The following ERC2 variants were observed in gnomAD, a reference collection of about 807,000 sequenced individuals.
The protein encoded by ERC2 is ERC protein 2.
ERC2 carries 42 observed loss-of-function variants against 114.8 expected under a neutral mutation model. That is an observed-to-expected ratio of 0.37 (90% CI 0.29 to 0.47). The LOEUF is 0.47. Ranked by LOEUF, ERC2 falls within the 20% of genes least tolerant of loss-of-function variation. ERC2 has a pLI of 0.99. For missense variants in ERC2, 939 were observed against 1,150.7 expected (o/e 0.82, Z 2.66); for synonymous variants, 454 against 425.5 (o/e 1.07, Z -0.82).
chr3:56,050,120 T>C (rs898232056), intron 7 of ERC2, among the ~76,000 whole-genome samples: 2 of 152,300 alleles, frequency 1.3e-5, no homozygotes, highest in Admixed American at 1.3e-4. Context: ...ATATGTTGAT[T>C]GCAGTGATGG....
At chr3:55,891,587 T>C (rs563237408) in intron 13 of ERC2, among the ~76,000 whole-genome samples, 2 of 151,798 alleles carry the variant, frequency 1.3e-5, no homozygotes, top group South Asian at 4.2e-4. Flanking sequence ...GCTGGGATTA[T>C]AGATGCATGC....
Position 55,660,325 on chromosome 3 carries a change from T to A in ERC2, c.*39+23469A>T, listed in dbSNP as rs933549310. 5.9e-5 allele frequency among the ~76,000 whole-genome samples: 9 copies of A among 152,268 alleles called. 1 individual carries two copies. The South Asian group carries it at 1.9e-3, about 32-fold the overall frequency. The stretch of plus-strand genomic sequence containing the variant: ...TGTCCAAGTTATAAAAATGTCTCCA[T>A]CACAACTTCCACCCCTGGAATTGAG... On this transcript the variant is annotated intron_variant, in intron 17 of 17. Coordinates refer to ENST00000288221, the MANE Select transcript of ERC2 (RefSeq NM_015576.3).
chr3:56,421,626 G>A (rs929926090), intron 2 of ERC2, among the ~76,000 whole-genome samples: 15 of 152,200 alleles, frequency 9.9e-5, no homozygotes. Flanking sequence ...TATAAAAATA[G>A]ATATTAAGAG....
intron 7 of ERC2, among the ~76,000 whole-genome samples, chr3:56,073,689 T>C (rs987034964): frequency 2.6e-5 from 4 of 152,196 alleles, no homozygotes; most frequent in Admixed American, 2.6e-4. Context: ...TGGCAAGGAA[T>C]GAGGGATCTC....
At chr3:55,724,074 GA>G (rs1394201663) in intron 15 of ERC2, among the ~76,000 whole-genome samples, 1 of 152,162 alleles carries the variant, frequency 6.6e-6, no homozygotes, top group African/African-American at 2.4e-5. Context: ...AAACTAAAGA[GA>G]AAAAGGCTTT....
chr3:56,271,789 T>G (rs975581477), intron 3 of ERC2, among the ~76,000 whole-genome samples: 9 of 152,290 alleles, frequency 5.9e-5, no homozygotes, highest in African/African-American at 2.2e-4. Flanking sequence ...GGTCCCAGTG[T>G]CTATTGTTCC....
intron 14 of ERC2, among the ~76,000 whole-genome samples, chr3:55,827,408 GAGAA>G (rs2060374043): frequency 6.6e-6 from 1 of 151,704 alleles, no homozygotes; most frequent in Non-Finnish European, 1.5e-5. Flanking sequence ...GAGAAAAAGA[GAGAA>G]AGAGGGAAGA....
intron 13 of ERC2, among the ~76,000 whole-genome samples, chr3:55,931,979 A>G (rs959347851): frequency 6.6e-6 from 1 of 152,236 alleles, no homozygotes; most frequent in East Asian, 1.9e-4. Flanking sequence ...CTATAACTTA[A>G]CTATGGAATA....
intron 16 of ERC2, among the ~76,000 whole-genome samples, chr3:55,689,275 G>A (rs989402185): frequency 6.0e-5 from 9 of 150,538 alleles, no homozygotes; most frequent in Non-Finnish European, 1.0e-4. Flanking sequence ...TTTTTGCATC[G>A]TCATTATAGG....
chr3:56,181,758 C>G (rs1383426492), intron 3 of ERC2, among the ~76,000 whole-genome samples: 1 of 152,162 alleles, frequency 6.6e-6, no homozygotes, highest in Non-Finnish European at 1.5e-5. Flanking sequence ...ATTATGGCTT[C>G]TTTCTTGCTC....
At position 56,005,315 on chromosome 3, in the gene ERC2, C is replaced by T. The variant is rs146526823; in HGVS notation, c.2061+1866G>A. 2.1e-3 allele frequency among the ~76,000 whole-genome samples: 313 copies of T among 152,094 alleles called. 3 individuals carry two copies. Among genetic ancestry groups the T allele is most frequent in the African/African-American group, 6.7e-3 (280 of 41,526 alleles). ...TGTTAAAATGCTGTCAGGAATAATG[C>T]TACAATGTTTACAGGATTTGGTCTG... On this transcript the variant is annotated intron_variant, in intron 10 of 17. Coordinates refer to ENST00000288221, the MANE Select transcript of ERC2 (RefSeq NM_015576.3).
chr3:56,315,820 G>A (rs2056836914), intron 2 of ERC2, among the ~76,000 whole-genome samples: 1 of 151,690 alleles, frequency 6.6e-6, no homozygotes, highest in Non-Finnish European at 1.5e-5. Context: ...GTCCAACAGG[G>A]ATATAAAGAA....
chr3:55,710,808 A>T (rs2063739727), intron 15 of ERC2, among the ~76,000 whole-genome samples: 1 of 152,214 alleles, frequency 6.6e-6, no homozygotes. Flanking sequence ...ACTTGCCAGA[A>T]CAACCCAAAT....
intron 17 of ERC2, among the ~76,000 whole-genome samples, chr3:55,672,809 G>A (rs2061618226): frequency 6.6e-6 from 1 of 152,148 alleles, no homozygotes. Flanking sequence ...CCCAGTCCCT[G>A]CCATGGAAAT....
chr3:55,873,785 A>C, intron 14 of ERC2, among the ~76,000 whole-genome samples: 1 of 150,018 alleles, frequency 6.7e-6, no homozygotes, highest in East Asian at 2.0e-4. Flanking sequence ...CACCATCCCC[A>C]CCCCTTCACC....
At chr3:55,541,835 G>A (rs1457833265) in intron 17 of ERC2, among the ~76,000 whole-genome samples, 2 of 152,190 alleles carry the variant, frequency 1.3e-5, no homozygotes, top group Non-Finnish European at 2.9e-5. Flanking sequence ...GTTGAATATA[G>A]ACAGGTCAAT....
chr3:55,986,184 G>A (rs2149514461), intron 11 of ERC2, among the ~76,000 whole-genome samples, 196 bp from the exon 12 acceptor site: 1 of 152,304 alleles, frequency 6.6e-6, no homozygotes, highest in African/African-American at 2.4e-5. Context: ...CACACTGTAA[G>A]CTGTTGTATT....
intron 3 of ERC2, among the ~76,000 whole-genome samples, chr3:56,207,416 A>C (rs1458289208): frequency 6.6e-6 from 1 of 152,080 alleles, no homozygotes; most frequent in Non-Finnish European, 1.5e-5. Context: ...CTAACTATTT[A>C]TATATCCTTA....
intron 4 of ERC2, among the ~76,000 whole-genome samples, chr3:56,160,346 G>GTTT (rs1260190675): frequency 1.3e-5 from 2 of 152,132 alleles, no homozygotes; most frequent in East Asian, 3.9e-4. Flanking sequence ...CTTGTTCAAT[G>GTTT]TTTAAGTTCC....
Sources: allele counts gnomAD v4.1 joint callset (sites outside exome capture counted in the v4.1 genomes callset), GRCh38; gene constraint gnomAD v4.1.1; transcripts MANE v1.5; gene names NCBI Gene and HGNC (gene_info 2026-07-23, HGNC 2026-07-21).